Variants in ADAMTSL3 observed in about 807,000 individuals in gnomAD.
ADAMTSL3 encodes the protein ADAMTS-like protein 3.
A neutral mutation model predicts 201.7 loss-of-function variants in ADAMTSL3; 128 were observed. The ratio of observed to expected loss-of-function variants is 0.63; its 90% CI spans 0.55 to 0.73. ADAMTSL3 has a LOEUF of 0.73. Ranked by LOEUF, ADAMTSL3 falls within the 30% of genes least tolerant of loss-of-function variation. The pLI is 0.00. For synonymous variants in ADAMTSL3, 738 were observed against 748.4 expected, an observed-to-expected ratio of 0.99 and a Z score of 0.23; for missense variants, 1,990 against 2,119.6, an observed-to-expected ratio of 0.94 and a Z score of 1.20.
chr15:83,914,269 CT>C (rs2065988755), intron 16 of ADAMTSL3, among the ~76,000 whole-genome samples: 1 of 152,160 alleles, frequency 6.6e-6, no homozygotes, highest in Admixed American at 6.5e-5. Context: ...CAAGATCATG[CT>C]TTACTCCTCC....
intron 4 of ADAMTSL3, among the ~76,000 whole-genome samples, chr15:83,793,626 G>A (rs1330787663): frequency 2.0e-5 from 3 of 151,994 alleles, no homozygotes; most frequent in East Asian, 1.9e-4. Flanking sequence ...ACAGGCATGC[G>A]CCACTATGCC....
intron 4 of ADAMTSL3, among the ~76,000 whole-genome samples, chr15:83,785,823 G>A (rs1400607537): frequency 6.6e-6 from 1 of 151,154 alleles, no homozygotes; most frequent in Admixed American, 6.6e-5. Flanking sequence ...TGCACGTAGG[G>A]GTGATTTTCA....
At chr15:83,824,810 G>A (rs1422401375) in intron 6 of ADAMTSL3, 1 of 151,788 alleles carries the variant, frequency 6.6e-6, no homozygotes, top group East Asian at 1.9e-4. Context: ...GTCTTTTCAT[G>A]GCTTGATAGC....
intron 8 of ADAMTSL3, chr15:83,861,644 A>G (rs1204898822): frequency 6.6e-6 from 1 of 152,258 alleles, no homozygotes; most frequent in African/African-American, 2.4e-5. Flanking sequence ...ATCAAAGACC[A>G]AAGGTAGATA....
At chr15:83,868,814 C>G (rs1385207011) in intron 8 of ADAMTSL3, among the ~76,000 whole-genome samples, 1 of 152,138 alleles carries the variant, frequency 6.6e-6, no homozygotes. Context: ...GTCACTGAGA[C>G]TCTTAGACAC....
intron 8 of ADAMTSL3, among the ~76,000 whole-genome samples, chr15:83,870,114 G>A (rs1224040124): frequency 2.0e-5 from 3 of 152,148 alleles, no homozygotes; most frequent in Non-Finnish European, 4.4e-5. Context: ...AAGCACTTTT[G>A]TTCATGTGAA....
rs1324599321 is a variant in ADAMTSL3, at chr15:83,822,282, GCGGC to G, written c.600+2236_600+2239del. On this transcript the variant is annotated intron_variant, in intron 6 of 29. Coordinates refer to ENST00000286744, the MANE Select transcript of ADAMTSL3 (RefSeq NM_207517.3). Reference sequence around the variant, plus strand: ...AGGGGCTCCTCACTTCTCAGACGGGGCGGCTGCCGGGCGGAGGGGCTCCTCACTT... The same window carrying G: ...AGGGGCTCCTCACTTCTCAGACGGGGTGCCGGGCGGAGGGGCTCCTCACTT... 6.9e-5 allele frequency among the ~76,000 whole-genome samples: 10 copies of G among 145,482 alleles called. No homozygotes were observed. In the East Asian group the frequency reaches 2.1e-3, roughly 30 times the overall value.
chr15:83,762,242 A>ATCT (rs1433003660), intron 3 of ADAMTSL3, among the ~76,000 whole-genome samples: 1 of 152,090 alleles, frequency 6.6e-6, no homozygotes, highest in Non-Finnish European at 1.5e-5. Flanking sequence ...ATACACTAAT[A>ATCT]TCTTATGTCT....
chr15:83,846,416 C>T (rs2064498805), intron 7 of ADAMTSL3, among the ~76,000 whole-genome samples: 1 of 152,214 alleles, frequency 6.6e-6, no homozygotes, highest in African/African-American at 2.4e-5. Flanking sequence ...ACCACCCTCC[C>T]AAAGTGTCTT....
intron 23 of ADAMTSL3, among the ~76,000 whole-genome samples, chr15:83,998,485 A>G (rs2067730327): frequency 6.6e-6 from 1 of 152,210 alleles, no homozygotes; most frequent in South Asian, 2.1e-4. Context: ...AAATAATAAA[A>G]GAGTCTGTAA....
At chr15:84,016,200 A>T (rs1040745366) in intron 24 of ADAMTSL3, among the ~76,000 whole-genome samples, 183 bp from the exon 25 acceptor site, 1 of 152,124 alleles carries the variant, frequency 6.6e-6, no homozygotes, top group African/African-American at 2.4e-5. Context: ...TAAACTCTAT[A>T]ACACCCCACA....
chr15:83,760,491 C>T (rs1173947191), intron 3 of ADAMTSL3, among the ~76,000 whole-genome samples: 2 of 152,194 alleles, frequency 1.3e-5, no homozygotes, highest in Non-Finnish European at 2.9e-5. Flanking sequence ...GCTTTCTATA[C>T]AGTTACATAG....
chr15:83,828,365 C>T (rs1413936584), intron 6 of ADAMTSL3, among the ~76,000 whole-genome samples: 5 of 152,274 alleles, frequency 3.3e-5, no homozygotes, highest in Middle Eastern at 3.4e-3. Flanking sequence ...GTGATTTTTG[C>T]ACATTGATTT....
chr15:83,986,515 G>T (rs1029355240), intron 21 of ADAMTSL3, among the ~76,000 whole-genome samples: 3 of 151,944 alleles, frequency 2.0e-5, no homozygotes, highest in Non-Finnish European at 2.9e-5. Context: ...CTAATAAAAG[G>T]TTTTGTTTTT....
intron 19 of ADAMTSL3, among the ~76,000 whole-genome samples, chr15:83,945,158 G>T (rs1269348698): frequency 2.6e-5 from 4 of 152,116 alleles, no homozygotes; most frequent in Non-Finnish European, 5.9e-5. Flanking sequence ...AGCAGGAGTT[G>T]CCCTAGGATC....
intron 3 of ADAMTSL3, among the ~76,000 whole-genome samples, chr15:83,719,160 C>T (rs181706164): frequency 8.5e-5 from 13 of 152,228 alleles, no homozygotes; most frequent in Admixed American, 6.5e-4. Flanking sequence ...CTCGACCTCC[C>T]GAAAATTGAG....
intron 23 of ADAMTSL3, among the ~76,000 whole-genome samples, chr15:84,013,305 A>C (rs538518976): frequency 6.6e-6 from 1 of 152,346 alleles, no homozygotes; most frequent in South Asian, 2.1e-4. Flanking sequence ...AAGTGTCACC[A>C]TGTTCATGGA....
intron 3 of ADAMTSL3, among the ~76,000 whole-genome samples, chr15:83,757,960 A>G (rs1390326775): frequency 2.0e-5 from 3 of 152,162 alleles, no homozygotes; most frequent in African/African-American, 4.8e-5. Context: ...CTGAGACCAC[A>G]TCAGCCTAGA....
At chr15:83,745,970 C>G in intron 3 of ADAMTSL3, among the ~76,000 whole-genome samples, 1 of 152,114 alleles carries the variant, frequency 6.6e-6, no homozygotes, top group East Asian at 1.9e-4. Context: ...TTAGTGTTGT[C>G]AGCTGCAGGG....
Sources: gnomAD v4.1 joint callset for allele counts (sites outside exome capture counted in the v4.1 genomes callset) on GRCh38, gnomAD v4.1.1 for gene constraint, MANE v1.5 for transcripts, NCBI Gene and HGNC (gene_info 2026-07-23, HGNC 2026-07-21) for gene names.